The following CWF19L2 variants were observed in gnomAD, a reference collection of about 807,000 sequenced individuals.
CWF19L2 encodes the protein CWF19-like protein 2.
In CWF19L2, 98 loss-of-function variants were observed where a neutral mutation model predicts 111.7. The ratio of observed to expected loss-of-function variants is 0.88; its 90% CI spans 0.75 to 1.04. The LOEUF (loss-of-function observed/expected upper bound fraction) is 1.04. Among genes scored for constraint, CWF19L2 ranks in the 50% least tolerant of loss-of-function variants. The pLI is 0.00. For synonymous variants in CWF19L2, 351 were observed against 342.9 expected, an observed-to-expected ratio of 1.02 and a Z score of -0.26; for missense variants, 1,101 against 1,051.4, an observed-to-expected ratio of 1.05 and a Z score of -0.65.
chr11:107,448,065 G>C (rs530136864), intron 3 of CWF19L2, among the ~76,000 whole-genome samples: 40 of 152,202 alleles, frequency 2.6e-4, no homozygotes, highest in African/African-American at 9.4e-4. Flanking sequence ...AGGCCAGTCG[G>C]CCAGGCGCAG....
chr11:107,388,719 T>TGGTTTATGGTTCATAAACTTGAAC (rs1860807096), intron 12 of CWF19L2, among the ~76,000 whole-genome samples: 1 of 152,164 alleles, frequency 6.6e-6, no homozygotes, highest in Non-Finnish European at 1.5e-5. Context: ...TTAACTTGAA[T>TGGTTTATGGTTCATAAACTTGAAC]GGTTTATGGT....
chr11:107,449,805 A>G (rs929037534), intron 3 of CWF19L2, among the ~76,000 whole-genome samples: 12 of 152,080 alleles, frequency 7.9e-5, no homozygotes, highest in Non-Finnish European at 1.2e-4. Context: ...GAACAAAGAA[A>G]AAATAGAAAA....
chr11:107,439,771 G>A (rs1861594970), intron 5 of CWF19L2, among the ~76,000 whole-genome samples: 1 of 152,170 alleles, frequency 6.6e-6, no homozygotes, highest in Admixed American at 6.5e-5. Context: ...CTAATGACAA[G>A]AGATTATGTT....
chr11:107,359,096 T>C (rs1481914456), intron 12 of CWF19L2, among the ~76,000 whole-genome samples: 1 of 152,132 alleles, frequency 6.6e-6, no homozygotes, highest in Non-Finnish European at 1.5e-5. Context: ...GAGCTTACCA[T>C]CATGAGTTTG....
chr11:107,419,226 G>C (rs907348001), intron 8 of CWF19L2, among the ~76,000 whole-genome samples: 2 of 152,192 alleles, frequency 1.3e-5, no homozygotes, highest in Non-Finnish European at 2.9e-5. Context: ...CAGTATTAAA[G>C]AGTCTTGCTT....
rs555195791 is a variant in CWF19L2 at position 107,337,157 on chromosome 11, C to CAAA, written c.2203-445_2203-444insTTT. ...TGTTTTCCTATGCTCATAGCATCTG[C>CAAA]ATTTGTTGGTTCCCTATGTCTGCTG... On this transcript the variant is annotated intron_variant, in intron 14 of 17. Transcript: ENST00000282251. Among the ~76,000 whole-genome samples the CAAA allele has an allele frequency of 2.1e-3, 326 of 152,302 alleles. 1 individual carries two copies. The highest frequency in any genetic ancestry group is 3.3e-3 in the Non-Finnish European group (227 of 68,022).
chr11:107,360,003 T>C (rs546659634), intron 12 of CWF19L2, among the ~76,000 whole-genome samples: 71 of 152,358 alleles, frequency 4.7e-4, no homozygotes, highest in Middle Eastern at 3.4e-3. Context: ...TATTCTCCTG[T>C]TGCATGCATA....
At chr11:107,332,547 T>TG (rs1449195116) in intron 16 of CWF19L2, among the ~76,000 whole-genome samples, 1 of 149,586 alleles carries the variant, frequency 6.7e-6, no homozygotes, top group Non-Finnish European at 1.5e-5. Context: ...ATTTACACAG[T>TG]GAAAAAAAAA....
intron 8 of CWF19L2, among the ~76,000 whole-genome samples, chr11:107,423,919 T>A (rs1471557444): frequency 3.1e-5 from 4 of 127,132 alleles, no homozygotes; most frequent in Non-Finnish European, 5.2e-5. Context: ...CCTACTAATA[T>A]ATATGAGCAA....
chr11:107,352,066 T>C (rs1860163298), intron 13 of CWF19L2, among the ~76,000 whole-genome samples: 1 of 152,166 alleles, frequency 6.6e-6, no homozygotes, highest in African/African-American at 2.4e-5. Flanking sequence ...AGGTCTGAGA[T>C]CCAGTAAGGG....
At chr11:107,455,979 T>C (rs530066815) in intron 1 of CWF19L2, among the ~76,000 whole-genome samples, 2 of 152,310 alleles carry the variant, frequency 1.3e-5, no homozygotes, top group South Asian at 4.1e-4. Context: ...AATCTCTCCT[T>C]CTGCATTTCC....
chr11:107,360,722 T>A (rs1860315370), intron 12 of CWF19L2, among the ~76,000 whole-genome samples: 1 of 152,230 alleles, frequency 6.6e-6, no homozygotes, highest in Non-Finnish European at 1.5e-5. Flanking sequence ...TTAATGCCCA[T>A]TTTTCAGATG....
At chr11:107,393,379 G>T (rs1437426968) in intron 10 of CWF19L2, among the ~76,000 whole-genome samples, 1 of 152,074 alleles carries the variant, frequency 6.6e-6, no homozygotes, top group Non-Finnish European at 1.5e-5. Flanking sequence ...TGACTCTTCA[G>T]AAGGAATTAT....
intron 10 of CWF19L2, among the ~76,000 whole-genome samples, chr11:107,409,078 T>C (rs4564297): frequency 0.29 from 43,123 of 150,564 alleles, 6,527 homozygotes; most frequent in East Asian, 0.45. Context: ...ACTGCAGGGA[T>C]TGGGATGCTA....
chr11:107,407,863 C>T (rs1403736891), intron 10 of CWF19L2, among the ~76,000 whole-genome samples: 2 of 152,006 alleles, frequency 1.3e-5, no homozygotes, highest in African/African-American at 4.8e-5. Flanking sequence ...TTAACTACCC[C>T]AGAAAGCATT....
intron 12 of CWF19L2, among the ~76,000 whole-genome samples, chr11:107,356,864 C>A (rs1198809683): frequency 7.2e-5 from 11 of 151,976 alleles, no homozygotes; most frequent in Admixed American, 7.2e-4. Flanking sequence ...ATGGAGAAAC[C>A]CTGTCTCTAC....
chr11:107,397,005 G>A (rs1000806267), intron 10 of CWF19L2, among the ~76,000 whole-genome samples: 11 of 152,238 alleles, frequency 7.2e-5, no homozygotes, highest in Non-Finnish European at 1.5e-4. Flanking sequence ...GGAGCAGAAA[G>A]GCCCTGGGAT....
In CWF19L2 at chr11:107,372,813, G is replaced by A. The variant is rs919328724; in HGVS notation, c.1872+17261C>T. 7.6e-5 allele frequency among the ~76,000 whole-genome samples: 10 copies of A among 131,556 alleles called. 1 individual carries two copies. The highest frequency in any genetic ancestry group is 1.1e-4 in the Non-Finnish European group (7 of 62,792). 86.3% of individuals were successfully genotyped at this position (131,556 alleles called of 152,430 possible). ...ACTGCTCCGGTCTACAGCTCCCAGC[G>A]TGAGCGACGCAGAAGACGGGTGATT... is the stretch of plus-strand genomic sequence containing the variant. On this transcript the variant is annotated intron_variant, in intron 12 of 17. Coordinates refer to ENST00000282251, the MANE Select transcript of CWF19L2 (RefSeq NM_152434.3).
intron 3 of CWF19L2, among the ~76,000 whole-genome samples, chr11:107,443,395 A>G (rs1189754604): frequency 6.6e-6 from 1 of 152,122 alleles, no homozygotes. Context: ...AGGCAGGAGA[A>G]TCGCTTGTAC....
Sources: allele counts gnomAD v4.1 joint callset (sites outside exome capture counted in the v4.1 genomes callset), GRCh38; gene constraint gnomAD v4.1.1; transcripts MANE v1.5; gene names NCBI Gene and HGNC (gene_info 2026-07-23, HGNC 2026-07-21).